GSK3B: variants seen among roughly 807,000 people sequenced by gnomAD.
GSK3B encodes glycogen synthase kinase 3 beta, also known as glycogen synthase kinase-3 beta.
In GSK3B, 15 loss-of-function variants were observed where a neutral mutation model predicts 56.4. That is an observed-to-expected ratio of 0.27 (90% confidence interval 0.18 to 0.41). The LOEUF is 0.41. GSK3B is among the 10% of genes least tolerant of loss of function. The pLI is 1.00. For missense variants in GSK3B, 300 were observed against 513.4 expected (o/e 0.58, Z 4.02); for synonymous variants, 181 against 188.9 (o/e 0.96, Z 0.34).
chr3:119,900,354 A>G (rs2056613215), intron 7 of GSK3B, among the ~76,000 whole-genome samples: 1 of 152,126 alleles, frequency 6.6e-6, no homozygotes, highest in African/African-American at 2.4e-5. Context: ...GTAAATGTTT[A>G]TGATATAAAT....
intron 7 of GSK3B, among the ~76,000 whole-genome samples, chr3:119,888,133 C>A (rs533864315): frequency 6.6e-6 from 1 of 152,178 alleles, no homozygotes; most frequent in East Asian, 1.9e-4. Flanking sequence ...CTGATCTACA[C>A]AAAGGAATAG....
chr3:119,900,794 G>A (rs995389435), intron 7 of GSK3B, among the ~76,000 whole-genome samples: 1 of 151,928 alleles, frequency 6.6e-6, no homozygotes, highest in Non-Finnish European at 1.5e-5. Flanking sequence ...ATACTTAATT[G>A]TTCAGTTTTT....
intron 9 of GSK3B, among the ~76,000 whole-genome samples, chr3:119,857,185 T>C (rs1029126364): frequency 2.2e-4 from 33 of 152,326 alleles, no homozygotes; most frequent in Admixed American, 7.2e-4. Flanking sequence ...AGGATATTGG[T>C]TGCTGAAGGT....
chr3:120,056,745 C>T (rs904691317), intron 1 of GSK3B, among the ~76,000 whole-genome samples: 2 of 152,132 alleles, frequency 1.3e-5, no homozygotes, highest in African/African-American at 4.8e-5. Flanking sequence ...GAGCATGACC[C>T]CAAAGCCAGA....
rs1479559658 is a variant in GSK3B, at chr3:119,823,509, GATA to G, written c.*3276_*3278del. The G allele has an allele frequency of 4.2e-5, 8 of 190,022 alleles. No individual in the cohort carries two copies. The Admixed American group carries it at 4.9e-4, about 12-fold the overall frequency. The allele number at this position is 190,022 out of a possible 1,614,324, so 11.8% of individuals were successfully genotyped here. On this transcript the variant is annotated 3_prime_UTR_variant, in exon 11 of 11. Coordinates refer to ENST00000264235, the MANE Select transcript of GSK3B (RefSeq NM_001146156.2). ...CACTCTCTCATTTGGGAGGGAAGTA[GATA>G]AAAGAGGAGAGAGAGAGAGCATGGA...
chr3:119,949,497 T>A lies in GSK3B; in HGVS notation c.283-2146A>T, dbSNP rs1229056575. On this transcript the variant is annotated intron_variant, in intron 2 of 10. Transcript: ENST00000264235. The stretch of plus-strand genomic sequence containing the variant: ...CATATTCAAGAAATAGCCAGAAAGA[T>A]AATACGGCTGCATCATTCTGAGTAA... Among the ~76,000 whole-genome samples the A allele has an allele frequency of 3.9e-4, 60 of 152,112 alleles. 3 individuals carry two copies. The highest frequency in any genetic ancestry group is 3.6e-3 in the Admixed American group (55 of 15,272).
chr3:119,995,926 C>T (rs559268508), intron 2 of GSK3B, among the ~76,000 whole-genome samples: 4 of 151,892 alleles, frequency 2.6e-5, no homozygotes, highest in East Asian at 1.9e-4. Context: ...TTAGTAGAGA[C>T]GGGATTTTGC....
At chr3:120,062,064 C>T (rs899913301) in intron 1 of GSK3B, among the ~76,000 whole-genome samples, 1 of 152,228 alleles carries the variant, frequency 6.6e-6, no homozygotes, top group Admixed American at 6.5e-5. Flanking sequence ...AGCAACATAC[C>T]TCCTGAAACC....
chr3:119,838,877 G>A (rs1171082317), intron 10 of GSK3B, among the ~76,000 whole-genome samples: 1 of 152,114 alleles, frequency 6.6e-6, no homozygotes, highest in Non-Finnish European at 1.5e-5. Flanking sequence ...TCTGAATTCT[G>A]ACAGCTCTTG....
Position 120,093,548 on chromosome 3 carries a change from AAAAG to A in GSK3B, c.-118_-115del. ...CAGCATTAAGTTCTCCCACAGAAGA[AAAAG>A]AAAAAGACTTCGTCCTCTTGGCTTT... On this transcript the variant is annotated 5_prime_UTR_variant, in exon 1 of 11. Coordinates refer to ENST00000264235, the MANE Select transcript of GSK3B (RefSeq NM_001146156.2). The A allele has an allele frequency of 1.5e-6, 1 of 683,068 alleles. No individual in the cohort carries two copies. Among genetic ancestry groups the A allele is most frequent in the Non-Finnish European group, 2.6e-6 (1 of 383,908 alleles). 42.3% of individuals were successfully genotyped at this position (683,068 alleles called of 1,614,324 possible).
chr3:119,994,158 G>A (rs528707771), intron 2 of GSK3B, among the ~76,000 whole-genome samples: 1 of 152,134 alleles, frequency 6.6e-6, no homozygotes, highest in East Asian at 1.9e-4. Flanking sequence ...CACTGCACCT[G>A]GCCTGAAGCA....
At chr3:119,872,384 A>C (rs1468646508) in intron 8 of GSK3B, among the ~76,000 whole-genome samples, 1 of 152,144 alleles carries the variant, frequency 6.6e-6, no homozygotes, top group Admixed American at 6.6e-5. Flanking sequence ...GCAATTAATA[A>C]TTACACTGGA....
At chr3:119,995,263 G>A (rs1010558702) in intron 2 of GSK3B, among the ~76,000 whole-genome samples, 8 of 151,814 alleles carry the variant, frequency 5.3e-5, no homozygotes, top group Non-Finnish European at 8.8e-5. Flanking sequence ...AAGCCTAGGA[G>A]TTGAAGGCTG....
At chr3:120,087,682 G>C (rs1379930291) in intron 1 of GSK3B, among the ~76,000 whole-genome samples, 1 of 152,120 alleles carries the variant, frequency 6.6e-6, no homozygotes, top group South Asian at 2.1e-4. Flanking sequence ...AAGTTGGTTT[G>C]ACAAAACTAG....
intron 9 of GSK3B, among the ~76,000 whole-genome samples, chr3:119,855,883 C>T (rs140372994): frequency 9.4e-4 from 143 of 152,200 alleles, no homozygotes; most frequent in African/African-American, 3.3e-3. Context: ...ATGTAAATGA[C>T]GAGTTAATGG....
intron 2 of GSK3B, among the ~76,000 whole-genome samples, chr3:119,978,063 A>G (rs2057423939): frequency 6.6e-6 from 1 of 152,168 alleles, no homozygotes; most frequent in African/African-American, 2.4e-5. Context: ...CAGGAACATC[A>G]CCATCTTGAA....
At chr3:119,906,798 G>A (rs1321056382) in intron 6 of GSK3B, among the ~76,000 whole-genome samples, 5 of 152,048 alleles carry the variant, frequency 3.3e-5, no homozygotes, top group Non-Finnish European at 5.9e-5. Context: ...CTACCAGTAC[G>A]GAAGGAGAAG....
intron 2 of GSK3B, among the ~76,000 whole-genome samples, chr3:119,985,769 T>C (rs1471447971): frequency 6.6e-6 from 1 of 152,162 alleles, no homozygotes; most frequent in African/African-American, 2.4e-5. Context: ...CCAAAGTAAT[T>C]TATAGATTCA....
chr3:119,843,477 T>G, intron 9 of GSK3B, 124 bp from the exon 10 acceptor site: 1 of 432,292 alleles, frequency 2.3e-6, no homozygotes, highest in South Asian at 2.0e-5. Flanking sequence ...GCGCAGTGGC[T>G]CACGCCTGTA....
Sources: allele counts gnomAD v4.1 joint callset (sites outside exome capture counted in the v4.1 genomes callset), GRCh38; gene constraint gnomAD v4.1.1; transcripts MANE v1.5; gene names NCBI Gene and HGNC (gene_info 2026-07-23, HGNC 2026-07-21).